The following MICU2 variants were observed in gnomAD, a reference collection of about 807,000 sequenced individuals.
MICU2 encodes calcium uptake protein 2, mitochondrial.
In MICU2, 64 loss-of-function variants were observed where a neutral mutation model predicts 60.4. The observed-to-expected ratio is 1.06, with a 90% confidence interval of 0.87 to 1.31. The LOEUF is 1.31. Ranked by LOEUF, MICU2 falls within the 50% of genes most tolerant of loss-of-function variation. MICU2 has a pLI of 0.00. For missense variants in MICU2, 569 were observed against 531.0 expected (o/e 1.07, Z -0.70); for synonymous variants, 201 against 175.0 (o/e 1.15, Z -1.17).
chr13:21,563,858 G>T, intron 2 of MICU2, among the ~76,000 whole-genome samples: 1 of 148,562 alleles, frequency 6.7e-6, no homozygotes. Context: ...CACCTAGTCT[G>T]GAGTGCAGTG....
rs960819774 is a variant in MICU2, at chr13:21,517,805, G to A, written c.598-3387C>T. ...CACACACACACACACACACACGCGC[G>A]CGCGCGCGCACACGCGCTACATACT... On this transcript the variant is annotated intron_variant, in intron 6 of 11. Transcript: ENST00000382374. Among the ~76,000 whole-genome samples the A allele has an allele frequency of 1.3e-3, 200 of 149,016 alleles. 1 individual carries two copies. In the East Asian group the frequency reaches 0.02, roughly 15 times the overall value.
chr13:21,494,792 T>C (rs1885951100), intron 11 of MICU2, among the ~76,000 whole-genome samples: 1 of 152,114 alleles, frequency 6.6e-6, no homozygotes, highest in African/African-American at 2.4e-5. Flanking sequence ...CCTCCCACAA[T>C]GTGCTGGGAT....
intron 2 of MICU2, among the ~76,000 whole-genome samples, chr13:21,548,060 ATGTTC>A (rs2138013614): frequency 1.3e-5 from 2 of 152,356 alleles, no homozygotes; most frequent in East Asian, 3.8e-4. Flanking sequence ...AAATAGACAA[ATGTTC>A]TACCATTAGG....
chr13:21,553,522 T>C (rs1185014857), intron 2 of MICU2, among the ~76,000 whole-genome samples: 1 of 151,846 alleles, frequency 6.6e-6, no homozygotes, highest in Non-Finnish European at 1.5e-5. Flanking sequence ...CTAAAAGAGC[T>C]CCTGAAGGAA....
chr13:21,595,205 G>T (rs1041595974), intron 1 of MICU2, among the ~76,000 whole-genome samples: 1 of 152,288 alleles, frequency 6.6e-6, no homozygotes, highest in Admixed American at 6.5e-5. Flanking sequence ...TTGTCTCCCA[G>T]CTAAAATCCA....
At chr13:21,545,213 G>A (rs1387346491) in intron 2 of MICU2, among the ~76,000 whole-genome samples, 1 of 152,038 alleles carries the variant, frequency 6.6e-6, no homozygotes, top group Non-Finnish European at 1.5e-5. Flanking sequence ...ATGAAGAACA[G>A]ATAATGAAAA....
At chr13:21,507,919 TC>T (rs1480877555) in intron 8 of MICU2, among the ~76,000 whole-genome samples, 2 of 151,908 alleles carry the variant, frequency 1.3e-5, no homozygotes, top group Non-Finnish European at 2.9e-5. Flanking sequence ...CTTTTCTTTT[TC>T]TTTCTCTCTT....
intron 2 of MICU2, among the ~76,000 whole-genome samples, chr13:21,541,015 C>G (rs1593334750): frequency 6.6e-6 from 1 of 152,024 alleles, no homozygotes; most frequent in Non-Finnish European, 1.5e-5. Context: ...TACCATGTAC[C>G]CTTTTATTTT....
intron 8 of MICU2, among the ~76,000 whole-genome samples, chr13:21,504,796 T>A (rs1373174776): frequency 6.6e-6 from 1 of 152,204 alleles, no homozygotes; most frequent in Non-Finnish European, 1.5e-5. Flanking sequence ...CCACCTCTGC[T>A]TCATGCAGGG....
intron 7 of MICU2, among the ~76,000 whole-genome samples, chr13:21,511,137 G>C (rs1240198333): frequency 6.6e-6 from 1 of 152,170 alleles, no homozygotes; most frequent in Non-Finnish European, 1.5e-5. Context: ...CAGAGTCTAG[G>C]TGCTCCAGTA....
At chr13:21,549,571 T>G (rs1378099938) in intron 2 of MICU2, among the ~76,000 whole-genome samples, 2 of 152,150 alleles carry the variant, frequency 1.3e-5, no homozygotes, top group African/African-American at 4.8e-5. Context: ...TAATCTGAAT[T>G]TGGCTGTCTG....
chr13:21,516,040 A>G (rs1339340450), intron 6 of MICU2, among the ~76,000 whole-genome samples: 1 of 152,234 alleles, frequency 6.6e-6, no homozygotes, highest in Non-Finnish European at 1.5e-5. Flanking sequence ...TGTAAACATT[A>G]TTAATCTTCA....
chr13:21,537,417 CCTT>C (rs1593332442), intron 4 of MICU2, among the ~76,000 whole-genome samples: 3 of 152,038 alleles, frequency 2.0e-5, no homozygotes, highest in African/African-American at 7.2e-5. Flanking sequence ...CTACTTCAAA[CCTT>C]CTTTCTCCAT....
chr13:21,563,827 T>G (rs1047171013), intron 2 of MICU2, among the ~76,000 whole-genome samples: 1 of 151,654 alleles, frequency 6.6e-6, no homozygotes, highest in Non-Finnish European at 1.5e-5. Flanking sequence ...TTTTTTTTTT[T>G]GAGTCAGGGT....
intron 1 of MICU2, among the ~76,000 whole-genome samples, chr13:21,590,409 C>T (rs1226110012): frequency 6.6e-6 from 1 of 152,180 alleles, no homozygotes; most frequent in Non-Finnish European, 1.5e-5. Context: ...ATTTCATTAC[C>T]ACCAGGCCTG....
chr13:21,568,659 C>A (rs1008869815), intron 1 of MICU2, among the ~76,000 whole-genome samples: 1 of 152,096 alleles, frequency 6.6e-6, no homozygotes, highest in Non-Finnish European at 1.5e-5. Flanking sequence ...CTCGTTTATC[C>A]CTGTCCTCTA....
intron 6 of MICU2, among the ~76,000 whole-genome samples, chr13:21,516,832 C>G (rs1886582607): frequency 6.6e-6 from 1 of 152,142 alleles, no homozygotes. Flanking sequence ...TATAATGCTA[C>G]TATATTAAGT....
intron 4 of MICU2, among the ~76,000 whole-genome samples, chr13:21,523,235 T>G (rs1166231836): frequency 6.6e-6 from 1 of 152,220 alleles, no homozygotes. Flanking sequence ...TGTACCTCCA[T>G]AATTGCATGA....
chr13:21,582,384 A>G (rs909562960), intron 1 of MICU2, among the ~76,000 whole-genome samples: 7 of 152,138 alleles, frequency 4.6e-5, no homozygotes, highest in African/African-American at 1.4e-4. Context: ...CTTTTCCCCT[A>G]ATTTTTCTAT....
Sources: allele counts gnomAD v4.1 joint callset (sites outside exome capture counted in the v4.1 genomes callset), GRCh38; gene constraint gnomAD v4.1.1; transcripts MANE v1.5; gene names NCBI Gene and HGNC (gene_info 2026-07-23, HGNC 2026-07-21).